Variants in HP1BP3 observed in about 807,000 individuals in gnomAD.
The protein encoded by HP1BP3 is heterochromatin protein 1-binding protein 3.
Under a neutral mutation model 62.5 loss-of-function variants are expected in HP1BP3, and 12 were observed. That is an observed-to-expected ratio of 0.19 (90% CI 0.12 to 0.31). The LOEUF (loss-of-function observed/expected upper bound fraction) is 0.31, where lower values mean the gene tolerates loss of function less well. HP1BP3 is among the 10% of genes least tolerant of loss of function. HP1BP3 has a pLI of 1.00. For synonymous variants in HP1BP3, 260 were observed against 237.8 expected, an observed-to-expected ratio of 1.09 and a Z score of -0.86; for missense variants, 502 against 651.8, an observed-to-expected ratio of 0.77 and a Z score of 2.50.
At chr1:20,753,086 C>G (rs1025882344) in intron 9 of HP1BP3, among the ~76,000 whole-genome samples, 1 of 152,232 alleles carries the variant, frequency 6.6e-6, no homozygotes, top group Middle Eastern at 3.4e-3. Context: ...GGATTGCAGG[C>G]ATGTGCCACC....
At chr1:20,763,118 T>A (rs143834930) in intron 8 of HP1BP3, among the ~76,000 whole-genome samples, 6 of 152,142 alleles carry the variant, frequency 3.9e-5, no homozygotes, top group Non-Finnish European at 8.8e-5. Context: ...TTTTTTGCCA[T>A]GTGATACGAT....
chr1:20,744,326 C>A lies in HP1BP3; in HGVS notation c.*471G>T. ...CTTTTATAAATAAGATTAATTATTA[C>A]AGCTATAACTGAAGTCTCCAGGCAG... On this transcript the variant is annotated 3_prime_UTR_variant, in exon 13 of 13. Transcript: ENST00000438032. 2 of 153,124 alleles carry A rather than the reference C, an allele frequency of 1.3e-5. No individual in the cohort carries two copies. The highest frequency in any genetic ancestry group is 2.9e-5 in the Non-Finnish European group (2 of 68,520). 9.5% of individuals were successfully genotyped at this position (153,124 alleles called of 1,614,324 possible). A position where few individuals can be genotyped will look rare whatever the true frequency, so the allele number is the denominator to read the frequency against.
intron 7 of HP1BP3, 63 bp from the exon 8 acceptor site, chr1:20,765,594 A>T: frequency 7.5e-7 from 1 of 1,333,818 alleles, no homozygotes; most frequent in Non-Finnish European, 1.0e-6. Flanking sequence ...CATACAACTC[A>T]AGGGCTTTCC....
intron 9 of HP1BP3, among the ~76,000 whole-genome samples, chr1:20,755,948 T>C (rs2056080033): frequency 6.6e-6 from 1 of 152,090 alleles, no homozygotes. Context: ...AAAATGCAAA[T>C]CTGCAGAGAG....
Position 20,757,269 on chromosome 1 carries a change from AC to A in HP1BP3, c.891-14del. 1.3e-6 allele frequency: 2 copies of A among 1,553,644 alleles called. No individual in the cohort carries two copies. Among genetic ancestry groups the A allele is most frequent in the Admixed American group, 1.9e-5 (1 of 52,672 alleles). On this transcript the variant is annotated splice_polypyrimidine_tract_variant and intron_variant, in intron 8 of 12. Coordinates refer to ENST00000438032, the MANE Select transcript of HP1BP3 (RefSeq NM_001372052.1). ...CAACAGCTGAGGCCTGCAAAGAAAA[AC>A]AAAAAAAAAATAGTGATAAATACAT...
intron 2 of HP1BP3, 59 bp downstream of exon 2, chr1:20,780,286 C>A: frequency 8.2e-7 from 1 of 1,221,914 alleles, no homozygotes; most frequent in Non-Finnish European, 1.2e-6. Context: ...AAGGACCCAG[C>A]AGGGCCTGAA....
chr1:20,747,773 C>T, intron 10 of HP1BP3, 118 bp from the exon 11 acceptor site: 1 of 637,410 alleles, frequency 1.6e-6, no homozygotes, highest in South Asian at 1.9e-5. Context: ...TTGACATACA[C>T]TAAGTGAATC....
intron 1 of HP1BP3, among the ~76,000 whole-genome samples, chr1:20,784,457 A>C (rs1051465986): frequency 6.6e-6 from 1 of 151,604 alleles, no homozygotes; most frequent in Non-Finnish European, 1.5e-5. Flanking sequence ...TGAACAAATA[A>C]AACTTATTTG....
chr1:20,751,242 G>A (rs762464775), intron 9 of HP1BP3, among the ~76,000 whole-genome samples: 10 of 151,438 alleles, frequency 6.6e-5, no homozygotes, highest in Non-Finnish European at 1.0e-4. Flanking sequence ...TAAGGCTTCC[G>A]GTCAACAGTA....
chr1:20,762,595 A>AT (rs2056549159), intron 8 of HP1BP3, among the ~76,000 whole-genome samples: 1 of 152,192 alleles, frequency 6.6e-6, no homozygotes, highest in Non-Finnish European at 1.5e-5. Flanking sequence ...AGATAAATGC[A>AT]TATCTGATTG....
chr1:20,745,470 C>G, intron 12 of HP1BP3, 73 bp downstream of exon 12: 2 of 1,518,100 alleles, frequency 1.3e-6, no homozygotes. Context: ...AGCTTTAGCC[C>G]CTCCTATAGC....
At chr1:20,762,113 G>A (rs933413284) in intron 8 of HP1BP3, among the ~76,000 whole-genome samples, 1 of 152,190 alleles carries the variant, frequency 6.6e-6, no homozygotes, top group African/African-American at 2.4e-5. Context: ...GGCCAAGCAA[G>A]AATGGCTGAA....
chr1:20,766,498 A>C (rs1296734247), intron 7 of HP1BP3, among the ~76,000 whole-genome samples: 1 of 152,266 alleles, frequency 6.6e-6, no homozygotes, highest in South Asian at 2.1e-4. Context: ...TCTGATATAA[A>C]TGAGTACAAG....
chr1:20,783,411 C>T (rs2057664198), intron 1 of HP1BP3, among the ~76,000 whole-genome samples: 1 of 151,552 alleles, frequency 6.6e-6, no homozygotes, highest in East Asian at 1.9e-4. Flanking sequence ...CTCAGCTACT[C>T]AGGAGGCTGA....
intron 12 of HP1BP3, 44 bp from the exon 13 acceptor site, chr1:20,745,135 G>GATTC (rs1175884762): frequency 7.8e-6 from 12 of 1,542,316 alleles, no homozygotes; most frequent in Non-Finnish European, 1.0e-5. Flanking sequence ...GTACTTAAGA[G>GATTC]ATTCGTTTTG....
chr1:20,750,057 T>A, intron 9 of HP1BP3, 175 bp from the exon 10 acceptor site: 2 of 1,300,356 alleles, frequency 1.5e-6, no homozygotes, highest in Non-Finnish European at 2.0e-6. Flanking sequence ...TCAATCTAAC[T>A]GAGAAGTCCC....
chr1:20,782,178 C>T (rs1055274483), intron 1 of HP1BP3, among the ~76,000 whole-genome samples: 5 of 152,198 alleles, frequency 3.3e-5, no homozygotes. Flanking sequence ...TAGCTCATGC[C>T]TGCAACCCCA....
In HP1BP3 at chr1:20,741,990, G is replaced by A. The variant is rs192797308; in HGVS notation, c.*2807C>T. 8.2e-4 allele frequency among the ~76,000 whole-genome samples: 125 copies of A among 152,320 alleles called. 1 individual carries two copies. Among genetic ancestry groups the A allele is most frequent in the Admixed American group, 7.6e-3 (116 of 15,294 alleles). On this transcript the variant is annotated 3_prime_UTR_variant, in exon 13 of 13. Coordinates refer to ENST00000438032, the MANE Select transcript of HP1BP3 (RefSeq NM_001372052.1). Reference sequence around the variant, plus strand: ...GTTGTGGATGTTCGTGGAAGAGTGCGATGACCTTCCTGTCTTTTCCCTTTA... The same window carrying A: ...GTTGTGGATGTTCGTGGAAGAGTGCAATGACCTTCCTGTCTTTTCCCTTTA...
At chr1:20,749,936 G>A (rs1409626818) in intron 9 of HP1BP3, 54 bp from the exon 10 acceptor site, 3 of 1,579,404 alleles carry the variant, frequency 1.9e-6, no homozygotes, top group African/African-American at 1.3e-5. Context: ...CCCAAAGCAG[G>A]TCAAGACAAG....
Sources: gnomAD v4.1 joint callset for allele counts (sites outside exome capture counted in the v4.1 genomes callset) on GRCh38, gnomAD v4.1.1 for gene constraint, MANE v1.5 for transcripts, NCBI Gene and HGNC (gene_info 2026-07-23, HGNC 2026-07-21) for gene names.